Variants in TECRL observed in about 807,000 individuals in gnomAD.
The protein encoded by TECRL is trans-2,3-enoyl-CoA reductase like.
Under a neutral mutation model 52.8 loss-of-function variants are expected in TECRL, and 63 were observed. The ratio of observed to expected loss-of-function variants is 1.19; its 90% CI spans 0.97 to 1.47. TECRL has a LOEUF of 1.47. Ranked by LOEUF, TECRL falls within the 40% of genes most tolerant of loss-of-function variation. The probability of loss-of-function intolerance (pLI) is 0.00; values close to 1 mark genes in which losing one functional copy is unlikely to be tolerated. For synonymous variants in TECRL, 164 were observed against 141.9 expected (o/e 1.16, Z -1.10); for missense variants, 482 against 429.6 (o/e 1.12, Z -1.08).
intron 1 of TECRL, among the ~76,000 whole-genome samples, chr4:64,393,161 T>C (rs1248514979): frequency 6.6e-6 from 1 of 152,016 alleles, no homozygotes; most frequent in Non-Finnish European, 1.5e-5. Context: ...ATATAATTGA[T>C]AGTAAACCTA....
At chr4:64,356,760 G>A (rs947621654) in intron 2 of TECRL, among the ~76,000 whole-genome samples, 2 of 152,078 alleles carry the variant, frequency 1.3e-5, no homozygotes, top group Non-Finnish European at 2.9e-5. Context: ...GGTCCTCTGG[G>A]CCCATTTTTC....
At chr4:64,326,521 G>T (rs985971565) in intron 3 of TECRL, among the ~76,000 whole-genome samples, 3 of 152,002 alleles carry the variant, frequency 2.0e-5, no homozygotes, top group African/African-American at 7.3e-5. Context: ...TCCAAACCTG[G>T]GCTTCAACAA....
chr4:64,368,345 G>A (rs1362982204), intron 2 of TECRL, among the ~76,000 whole-genome samples: 2 of 151,928 alleles, frequency 1.3e-5, no homozygotes, highest in Non-Finnish European at 2.9e-5. Flanking sequence ...GCCCAGGCTG[G>A]AGTGCAATGG....
chr4:64,364,863 T>TA (rs1166326685), intron 2 of TECRL, among the ~76,000 whole-genome samples: 8 of 140,878 alleles, frequency 5.7e-5, no homozygotes, highest in Admixed American at 5.0e-4. Context: ...TAAAACTATT[T>TA]TTTTTTCATT....
At chr4:64,324,078 T>G (rs1718087516) in intron 3 of TECRL, among the ~76,000 whole-genome samples, 2 of 152,066 alleles carry the variant, frequency 1.3e-5, no homozygotes, top group Non-Finnish European at 2.9e-5. Flanking sequence ...ACTTTAGACA[T>G]AGTAAGACAA....
At chr4:64,310,066 A>C in intron 5 of TECRL, 135 bp from the exon 6 acceptor site, 1 of 545,084 alleles carries the variant, frequency 1.8e-6, no homozygotes, top group Non-Finnish European at 3.2e-6. Context: ...TAAAACACAA[A>C]TACTTGCTTT....
chr4:64,296,381 T>C (rs1330438637), intron 8 of TECRL, among the ~76,000 whole-genome samples: 1 of 151,878 alleles, frequency 6.6e-6, no homozygotes, highest in Non-Finnish European at 1.5e-5. Flanking sequence ...ATATTTTTTT[T>C]TCTTCTCCAA....
At chr4:64,346,030 A>T (rs189037423) in intron 2 of TECRL, among the ~76,000 whole-genome samples, 1 of 152,074 alleles carries the variant, frequency 6.6e-6, no homozygotes, top group African/African-American at 2.4e-5. Flanking sequence ...TAAACACAAC[A>T]CACACAAACA....
chr4:64,279,286 T>C lies in TECRL; in HGVS notation c.*786A>G, dbSNP rs1432851080. The C allele has an allele frequency of 1.3e-5, 2 of 152,176 alleles. No homozygotes were observed. Among genetic ancestry groups the C allele is most frequent in the Non-Finnish European group, 2.9e-5 (2 of 68,056 alleles). 9.4% of individuals were successfully genotyped at this position (152,176 alleles called of 1,614,324 possible). On this transcript the variant is annotated 3_prime_UTR_variant, in exon 12 of 12. Coordinates refer to ENST00000381210, the MANE Select transcript of TECRL (RefSeq NM_001010874.5). ...TTATTTTATTTTGAGACAGTCTCAC[T>C]CTGTCACCCAGGCTGGAGTGCCTTG...
intron 1 of TECRL, among the ~76,000 whole-genome samples, chr4:64,405,579 T>C (rs757091626): frequency 6.6e-6 from 1 of 152,124 alleles, no homozygotes; most frequent in East Asian, 1.9e-4. Flanking sequence ...TCCAGATAGC[T>C]CAATAGATTA....
chr4:64,317,085 T>C (rs1020271600), intron 4 of TECRL, among the ~76,000 whole-genome samples: 7 of 152,090 alleles, frequency 4.6e-5, no homozygotes, highest in Non-Finnish European at 1.0e-4. Context: ...GAGACCATCC[T>C]GGCTAACACG....
intron 5 of TECRL, among the ~76,000 whole-genome samples, chr4:64,311,630 G>A (rs2070413492): frequency 6.6e-6 from 1 of 152,060 alleles, no homozygotes; most frequent in African/African-American, 2.4e-5. Context: ...TACCATGAGA[G>A]CATAGAAACC....
chr4:64,380,425 T>C (rs192065317), intron 1 of TECRL, among the ~76,000 whole-genome samples: 1 of 152,088 alleles, frequency 6.6e-6, no homozygotes, highest in Non-Finnish European at 1.5e-5. Flanking sequence ...TTCCCATTTG[T>C]GTATTTTTGT....
intron 2 of TECRL, among the ~76,000 whole-genome samples, chr4:64,362,172 A>C (rs1465855928): frequency 2.0e-5 from 3 of 152,150 alleles, no homozygotes; most frequent in African/African-American, 7.2e-5. Flanking sequence ...ATTTTTAAAT[A>C]TGAGCAAAAC....
intron 6 of TECRL, among the ~76,000 whole-genome samples, chr4:64,308,842 A>G (rs1724501943): frequency 6.6e-6 from 1 of 152,232 alleles, no homozygotes; most frequent in African/African-American, 2.4e-5. Flanking sequence ...TCAAGTTAAC[A>G]GAATATTTTA....
At chr4:64,292,408 T>C (rs1000384636) in intron 8 of TECRL, among the ~76,000 whole-genome samples, 1 of 152,004 alleles carries the variant, frequency 6.6e-6, no homozygotes, top group Non-Finnish European at 1.5e-5. Flanking sequence ...GTGTCCCTTA[T>C]GTGACACAGA....
rs148182289 is a variant in TECRL, at chr4:64,389,273, A to C, written c.235-14050T>G. On this transcript the variant is annotated intron_variant, in intron 1 of 11. Transcript: ENST00000381210. ...AGGTCTTTCGGAGATATTATTGATG[A>C]AGTTGAGGAAGTTCCCCCTCTATTC... 9.6e-3 allele frequency among the ~76,000 whole-genome samples: 1,458 copies of C among 151,952 alleles called. 25 individuals carry two copies. The highest frequency in any genetic ancestry group is 0.033 in the African/African-American group (1,372 of 41,512).
intron 2 of TECRL, among the ~76,000 whole-genome samples, chr4:64,332,061 C>T (rs1485938814): frequency 1.3e-5 from 2 of 152,076 alleles, no homozygotes; most frequent in Non-Finnish European, 2.9e-5. Context: ...AATTAGGGAA[C>T]CAAGATCTGG....
At chr4:64,374,655 T>C (rs2109677203) in intron 2 of TECRL, among the ~76,000 whole-genome samples, 1 of 151,112 alleles carries the variant, frequency 6.6e-6, no homozygotes, top group African/African-American at 2.4e-5. Flanking sequence ...AGTGAGAACA[T>C]GCGGTGTTTG....
Sources: gnomAD v4.1 joint callset for allele counts (sites outside exome capture counted in the v4.1 genomes callset) on GRCh38, gnomAD v4.1.1 for gene constraint, MANE v1.5 for transcripts, NCBI Gene and HGNC (gene_info 2026-07-23, HGNC 2026-07-21) for gene names.